The following MATR3 variants were observed in gnomAD, a reference collection of about 807,000 sequenced individuals.
The protein encoded by MATR3 is matrin 3.
A neutral mutation model predicts 85.5 loss-of-function variants in MATR3; 4 were observed. The ratio of observed to expected loss-of-function variants is 0.05; its 90% CI spans 0.02 to 0.11. The LOEUF is 0.11. Ranked by LOEUF, MATR3 falls within the 10% of genes least tolerant of loss-of-function variation. The probability of loss-of-function intolerance (pLI) is 1.00; values close to 1 mark genes in which losing one functional copy is unlikely to be tolerated. For missense variants in MATR3, 685 were observed against 1,016.1 expected (o/e 0.67, Z 4.43); for synonymous variants, 336 against 343.1 (o/e 0.98, Z 0.23).
rs1353586014 is a variant in MATR3, at chr5:139,329,711, T to G, written c.*316T>G. ...GTAGAACCATTTGGAAAAATGAAAT[T>G]TAGTAGTTCCAAGTTTCAAAGAAAT... On this transcript the variant is annotated 3_prime_UTR_variant, in exon 15 of 15. Coordinates refer to ENST00000394805, the MANE Select transcript of MATR3 (RefSeq NM_018834.6). The G allele has an allele frequency of 2.2e-6, 1 of 463,338 alleles. No homozygotes were observed. Among genetic ancestry groups the G allele is most frequent in the East Asian group, 6.6e-5 (1 of 15,174 alleles). 28.7% of individuals were successfully genotyped at this position (463,338 alleles called of 1,614,324 possible).
chr5:139,294,651 C>G (rs967258293), intron 1 of MATR3: 1 of 152,040 alleles, frequency 6.6e-6, no homozygotes, highest in Non-Finnish European at 1.5e-5. Flanking sequence ...CAAGTCACCT[C>G]ACATCCTTTT....
At chr5:139,285,505 A>T (rs963592171) in intron 3 of MATR3, among the ~76,000 whole-genome samples, 1 of 152,130 alleles carries the variant, frequency 6.6e-6, no homozygotes, top group Non-Finnish European at 1.5e-5. Flanking sequence ...CATTTTTAAA[A>T]TTTTTATTTG....
In MATR3 at chr5:139,330,217, AT is replaced by A. The variant is rs1227800030; in HGVS notation, c.*827del. On this transcript the variant is annotated 3_prime_UTR_variant, in exon 15 of 15. Transcript: ENST00000394805. ...TCAAGATGTAATTTTACATTTCTGC[AT>A]TTTTAAAACAGTTTGGCCATAATCC... 1 of 454,356 alleles carries A rather than the reference AT, an allele frequency of 2.2e-6. No individual in the cohort carries two copies. Among genetic ancestry groups the A allele is most frequent in the Non-Finnish European group, 4.4e-6 (1 of 226,658 alleles). The allele number at this position is 454,356 out of a possible 1,614,324, so 28.1% of individuals were successfully genotyped here. A position where few individuals can be genotyped will look rare whatever the true frequency, so the allele number is the denominator to read the frequency against.
intron 2 of MATR3, chr5:139,278,677 A>C (rs1753392691): frequency 7.3e-6 from 3 of 412,366 alleles, no homozygotes; most frequent in Non-Finnish European, 1.5e-5. Flanking sequence ...GTCTGCAATT[A>C]GTGCTTCCAC....
At chr5:139,294,068 C>T (rs1363156583) in intron 1 of MATR3, 2 of 1,268,598 alleles carry the variant, frequency 1.6e-6, no homozygotes, top group Middle Eastern at 2.2e-4. Context: ...CGGCCAAGGG[C>T]CCAGGGTGCG....
At chr5:139,294,838 C>G (rs1479224037) in intron 1 of MATR3, 1 of 152,136 alleles carries the variant, frequency 6.6e-6, no homozygotes, top group Non-Finnish European at 1.5e-5. Flanking sequence ...ATGAATATCC[C>G]CTAGGTGTTT....
At chr5:139,293,689 C>T (rs1753966734), upstream of MATR3, 1 of 308,600 alleles carries the variant, frequency 3.2e-6, no homozygotes, top group Non-Finnish European at 5.9e-6. Context: ...TGTTCTTGGG[C>T]TGCAGCCGCT....
chr5:139,294,442 C>T (rs1215205677), intron 1 of MATR3: 1 of 159,302 alleles, frequency 6.3e-6, no homozygotes, highest in African/African-American at 2.4e-5. Flanking sequence ...TGCCCATCGC[C>T]TCAGAGCGCC....
intron 7 of MATR3, 135 bp from the exon 8 acceptor site, chr5:139,318,762 TGATTCTTGAAA>T: frequency 1.2e-6 from 1 of 804,908 alleles, no homozygotes; most frequent in Middle Eastern, 3.7e-4. Flanking sequence ...TTTTGTATTT[TGATTCTTGAAA>T]GTATTTTCTA....
Position 139,330,421 on chromosome 5 carries a change from C to G in MATR3, c.*1026C>G, listed in dbSNP as rs1249596175. The G allele has an allele frequency of 1.8e-5, 8 of 454,334 alleles. No homozygotes were observed. 28.1% of individuals were successfully genotyped at this position (454,334 alleles called of 1,614,324 possible). A position where few individuals can be genotyped will look rare whatever the true frequency, so the allele number is the denominator to read the frequency against. On this transcript the variant is annotated 3_prime_UTR_variant, in exon 15 of 15. Coordinates refer to ENST00000394805, the MANE Select transcript of MATR3 (RefSeq NM_018834.6). ...CCCTAGGCCATGTTAATTGGTTATA[C>G]ATGTTTGGAATGTTAACCAACGTAT...
chr5:139,319,059 A>T (rs749915697), intron 8 of MATR3, 26 bp downstream of exon 8: 1 of 1,593,012 alleles, frequency 6.3e-7, no homozygotes, highest in African/African-American at 1.3e-5. Context: ...TTCAAGCTGT[A>T]TATCAGTTTA....
chr5:139,325,721 T>A, intron 13 of MATR3, 59 bp downstream of exon 13: 1 of 1,461,720 alleles, frequency 6.8e-7, no homozygotes, highest in Non-Finnish European at 9.6e-7. Flanking sequence ...AACTCTTAGG[T>A]TTTAAAATAA....
chr5:139,322,632 C>T lies in MATR3; in HGVS notation c.1813C>T (p.Pro605Ser), dbSNP rs1480061565. The change falls in exon 12 of 15, where the codon CCA becomes TCA. Residue 605 changes from proline (P) to serine (S), a missense_variant. Transcript: ENST00000394805. ...TTACTCTCCAGATGGCAAAGAATCT[C>T]CAAGTGATAAGAAATCCAAAACTGA... ...RSYSPDGKESPSDKKSKTDGS... is the reference protein window; with the variant it reads ...RSYSPDGKESSSDKKSKTDGS... 2 of 1,614,100 alleles carry T rather than the reference C, an allele frequency of 1.2e-6. No individual in the cohort carries two copies. The highest frequency in any genetic ancestry group is 1.7e-5 in the Admixed American group (1 of 60,006).
intron 5 of MATR3, 35 bp downstream of exon 5, chr5:139,316,223 A>G: frequency 2.0e-6 from 3 of 1,498,350 alleles, no homozygotes; most frequent in Non-Finnish European, 1.9e-6. Flanking sequence ...TTTTCCCTAC[A>G]GAGCCGTTAC....
At chr5:139,288,647 CTT>C (rs763641524) in intron 3 of MATR3, among the ~76,000 whole-genome samples, 71 of 147,436 alleles carry the variant, frequency 4.8e-4, no homozygotes, top group Admixed American at 2.5e-3. Context: ...AACATCATCT[CTT>C]TTTTTTTTTG....
intron 10 of MATR3, 30 bp from the exon 11 acceptor site, chr5:139,322,433 G>C: frequency 6.3e-7 from 1 of 1,593,480 alleles, no homozygotes; most frequent in Non-Finnish European, 8.6e-7. Context: ...CTGCAAATGT[G>C]TTAACTTCTG....
intron 3 of MATR3, chr5:139,283,349 T>C (rs1470153613): frequency 6.6e-6 from 1 of 152,232 alleles, no homozygotes; most frequent in Non-Finnish European, 1.5e-5. Flanking sequence ...TCTAAACCTG[T>C]TCAACTAGGC....
chr5:139,288,147 A>G (rs1203066916), intron 3 of MATR3, among the ~76,000 whole-genome samples: 1 of 152,144 alleles, frequency 6.6e-6, no homozygotes, highest in East Asian at 1.9e-4. Flanking sequence ...CCAGGAAATC[A>G]AGGCTACAGT....
intron 2 of MATR3, chr5:139,313,727 C>G (rs1373476631): frequency 2.0e-5 from 3 of 152,020 alleles, no homozygotes; most frequent in South Asian, 4.2e-4. Context: ...TGGGGAAATA[C>G]AAAGGGAGCA....
Sources: allele counts gnomAD v4.1 joint callset (sites outside exome capture counted in the v4.1 genomes callset), GRCh38; gene constraint gnomAD v4.1.1; transcripts MANE v1.5; gene names NCBI Gene and HGNC (gene_info 2026-07-23, HGNC 2026-07-21).